The following RGS7BP variants were observed in gnomAD, a reference collection of about 807,000 sequenced individuals.
The protein encoded by RGS7BP is regulator of G protein signaling 7-binding protein.
In RGS7BP, 9 loss-of-function variants were observed where a neutral mutation model predicts 31.3. The observed-to-expected ratio is 0.29, with a 90% confidence interval of 0.17 to 0.50. The LOEUF is 0.50. RGS7BP is among the 20% of genes least tolerant of loss of function. The pLI, the probability that RGS7BP is intolerant of heterozygous loss-of-function variation, is 0.98. For missense variants in RGS7BP, 274 were observed against 322.0 expected (o/e 0.85, Z 1.14); for synonymous variants, 115 against 120.1 (o/e 0.96, Z 0.28).
intron 2 of RGS7BP, among the ~76,000 whole-genome samples, chr5:64,525,861 C>T (rs1749219101): frequency 6.6e-6 from 1 of 152,174 alleles, no homozygotes; most frequent in Non-Finnish European, 1.5e-5. Flanking sequence ...ATTTTTATTT[C>T]ATCATTTATC....
At chr5:64,516,668 C>G (rs556420129) in intron 2 of RGS7BP, among the ~76,000 whole-genome samples, 2 of 152,260 alleles carry the variant, frequency 1.3e-5, no homozygotes, top group South Asian at 4.1e-4. Context: ...CCTGAAGAAC[C>G]AAAACCTCTG....
At chr5:64,589,988 T>C (rs928927785) in intron 3 of RGS7BP, among the ~76,000 whole-genome samples, 4 of 150,984 alleles carry the variant, frequency 2.6e-5, no homozygotes, top group Non-Finnish European at 5.9e-5. Flanking sequence ...GATCCCTCAA[T>C]TTAAAAAGAA....
chr5:64,604,251 G>A (rs1046287824), intron 5 of RGS7BP, among the ~76,000 whole-genome samples: 7 of 151,934 alleles, frequency 4.6e-5, no homozygotes, highest in South Asian at 2.1e-4. Context: ...CTCATTCCTC[G>A]TGGCCCAGCA....
intron 2 of RGS7BP, among the ~76,000 whole-genome samples, chr5:64,557,510 T>A (rs186714188): frequency 1.3e-5 from 2 of 152,290 alleles, no homozygotes; most frequent in Admixed American, 1.3e-4. Context: ...TTGCTGAGAC[T>A]TCAGGTCCCA....
At chr5:64,586,577 A>G (rs12515990) in intron 3 of RGS7BP, among the ~76,000 whole-genome samples, 52,397 of 152,062 alleles carry the variant, frequency 0.34, 9,311 homozygotes, top group South Asian at 0.4. Flanking sequence ...GTGTCCCTCA[A>G]GCATTTCCAT....
intron 3 of RGS7BP, among the ~76,000 whole-genome samples, chr5:64,589,875 T>C (rs1417555141): frequency 6.7e-6 from 1 of 150,086 alleles, no homozygotes. Context: ...TGCAGTGAGC[T>C]ATTATCATCA....
At chr5:64,526,637 A>T (rs562403641) in intron 2 of RGS7BP, among the ~76,000 whole-genome samples, 3 of 152,296 alleles carry the variant, frequency 2.0e-5, no homozygotes, top group African/African-American at 7.2e-5. Flanking sequence ...AGTCCGACTG[A>T]TACCTCTGTA....
At chr5:64,509,614 G>A (rs1748780109) in intron 2 of RGS7BP, among the ~76,000 whole-genome samples, 1 of 152,032 alleles carries the variant, frequency 6.6e-6, no homozygotes. Context: ...TTAAACTTCT[G>A]CACTCAAGTA....
rs1748674282 is a variant in RGS7BP at position 64,506,294 on chromosome 5, C to T, written c.-331C>T. On this transcript the variant is annotated 5_prime_UTR_variant, in exon 1 of 6. Transcript: ENST00000334025. The surrounding 1 kb of genome is among the most constrained non-coding windows in gnomAD (Gnocchi z 4.6). ...AACCGCCGGGCGGCGCGTTCCTTCT[C>T]GCCCAGCCTTGCAATCCATGCCGAG... is the stretch of plus-strand genomic sequence containing the variant. The T allele has an allele frequency of 8.7e-6, 2 of 231,186 alleles. No homozygotes were observed. Among genetic ancestry groups the T allele is most frequent in the South Asian group, 3.6e-4 (2 of 5,582 alleles). The allele number at this position is 231,186 out of a possible 1,614,324, so 14.3% of individuals were successfully genotyped here. A position where few individuals can be genotyped will look rare whatever the true frequency, so the allele number is the denominator to read the frequency against.
In RGS7BP at chr5:64,590,064, A is replaced by G. The variant is rs80259741; in HGVS notation, c.464-4646A>G. On this transcript the variant is annotated intron_variant, in intron 3 of 5. Transcript: ENST00000334025. Reference sequence around the variant, plus strand: ...TATAGACTATATATTAAATAATAGTATAGAATCAAATTGTATTGAATCATA... The same window carrying G: ...TATAGACTATATATTAAATAATAGTGTAGAATCAAATTGTATTGAATCATA... 2.0e-5 allele frequency among the ~76,000 whole-genome samples: 3 copies of G among 152,202 alleles called. No homozygotes were observed. In the East Asian group the frequency reaches 5.8e-4, roughly 29 times the overall value.
chr5:64,569,508 G>T (rs1179239007), intron 2 of RGS7BP, among the ~76,000 whole-genome samples: 1 of 151,920 alleles, frequency 6.6e-6, no homozygotes, highest in South Asian at 2.1e-4. Context: ...TGTTCAGTAG[G>T]TATCTGGCAT....
At chr5:64,515,841 A>G (rs1748959190) in intron 2 of RGS7BP, among the ~76,000 whole-genome samples, 1 of 150,958 alleles carries the variant, frequency 6.6e-6, no homozygotes, top group Non-Finnish European at 1.5e-5. Flanking sequence ...AATAATTATT[A>G]TTATTATTTA....
At chr5:64,524,237 T>C (rs1386830662) in intron 2 of RGS7BP, among the ~76,000 whole-genome samples, 1 of 152,218 alleles carries the variant, frequency 6.6e-6, no homozygotes, top group Non-Finnish European at 1.5e-5. Flanking sequence ...TGCTTACAAG[T>C]GCGGAAACTA....
At chr5:64,522,499 A>G (rs1749131416) in intron 2 of RGS7BP, among the ~76,000 whole-genome samples, 1 of 152,182 alleles carries the variant, frequency 6.6e-6, no homozygotes, top group Admixed American at 6.5e-5. Context: ...ATGTCTTTCC[A>G]CCATAAGTCA....
intron 2 of RGS7BP, among the ~76,000 whole-genome samples, chr5:64,526,077 T>C (rs899406752): frequency 1.3e-5 from 2 of 152,134 alleles, no homozygotes; most frequent in Non-Finnish European, 2.9e-5. Flanking sequence ...CAATGAGTAT[T>C]GACAAGGGAA....
At chr5:64,575,260 C>T (rs772588794) in intron 2 of RGS7BP, among the ~76,000 whole-genome samples, 16 of 151,722 alleles carry the variant, frequency 1.1e-4, no homozygotes, top group Non-Finnish European at 2.1e-4. Flanking sequence ...ATAAATTAGC[C>T]ACAGCAAACA....
intron 2 of RGS7BP, among the ~76,000 whole-genome samples, chr5:64,548,681 A>G (rs1333891586): frequency 1.3e-5 from 2 of 151,874 alleles, no homozygotes; most frequent in African/African-American, 4.8e-5. Flanking sequence ...TAATTTTTGT[A>G]TTTTTAGTAG....
chr5:64,592,510 T>C (rs1742945913), intron 3 of RGS7BP, among the ~76,000 whole-genome samples: 1 of 152,152 alleles, frequency 6.6e-6, no homozygotes. Context: ...AAAAGTGTTG[T>C]CAACTAGATC....
chr5:64,539,046 T>C (rs998162077), intron 2 of RGS7BP, among the ~76,000 whole-genome samples: 12 of 152,216 alleles, frequency 7.9e-5, no homozygotes, highest in Admixed American at 2.6e-4. Flanking sequence ...TACTACATAT[T>C]GTTAGCTTTT....
Sources: allele counts gnomAD v4.1 joint callset (sites outside exome capture counted in the v4.1 genomes callset), GRCh38; gene constraint gnomAD v4.1.1; non-coding constraint Gnocchi (gnomAD v3.1); transcripts MANE v1.5; gene names NCBI Gene and HGNC (gene_info 2026-07-23, HGNC 2026-07-21).